Variants in IGSF9B observed in about 807,000 individuals in gnomAD.
The protein encoded by IGSF9B is immunoglobulin superfamily member 9B, also known as protein turtle homolog B.
A neutral mutation model predicts 143.7 loss-of-function variants in IGSF9B; 48 were observed. The ratio of observed to expected loss-of-function variants is 0.33; its 90% CI spans 0.26 to 0.42. The LOEUF is 0.42. Ranked by LOEUF, IGSF9B falls within the 20% of genes least tolerant of loss-of-function variation. The pLI is 1.00. For synonymous variants in IGSF9B, 903 were observed against 833.1 expected, an observed-to-expected ratio of 1.08 and a Z score of -1.44; for missense variants, 1,706 against 1,980.0, an observed-to-expected ratio of 0.86 and a Z score of 2.63.
At position 133,937,608 on chromosome 11, in the gene IGSF9B, G is replaced by T. The variant is rs947830239; in HGVS notation, c.562-115C>A. ...GGTGGAGATGACCACAGGGACAGATGCATCTGGGGGACACGAAGGGCAGGT... is the reference window on the plus strand; with the variant it reads ...GGTGGAGATGACCACAGGGACAGATTCATCTGGGGGACACGAAGGGCAGGT... On this transcript the variant is annotated intron_variant, in intron 4 of 19. Transcript: ENST00000533871. 4.1e-5 allele frequency: 41 copies of T among 997,390 alleles called. 1 individual carries two copies. Among genetic ancestry groups the T allele is most frequent in the Non-Finnish European group, 5.5e-5 (37 of 670,358 alleles). The allele number at this position is 997,390 out of a possible 1,614,324, so 61.8% of individuals were successfully genotyped here. A position where few individuals can be genotyped will look rare whatever the true frequency, so the allele number is the denominator to read the frequency against.
At chr11:133,956,623 G>C (rs1565455870) in intron 1 of IGSF9B, 68 bp downstream of exon 1, 2 of 1,095,466 alleles carry the variant, frequency 1.8e-6, no homozygotes, top group South Asian at 1.4e-5. Context: ...CCGGGAAACC[G>C]AGGGGCCGGG....
rs376403173 is a variant in IGSF9B at position 133,920,101 on chromosome 11, G to A, written c.3624C>T (p.Pro1208=). 172 of 1,520,396 alleles carry A rather than the reference G, an allele frequency of 1.1e-4. 1 individual carries two copies. The South Asian group carries it at 2.0e-3, about 18-fold the overall frequency. The allele number at this position is 1,520,396 out of a possible 1,614,324, so 94.2% of individuals were successfully genotyped here. ...PSRLSPLTQS[P]LSSRTGSPEL... ...CAGGGGAGCCGGTGCGGGAGCTGAG[G>A]GGGCTTTGGGTCAGAGGTGAGAGCC... The change falls in exon 18 of 20, where the codon CCC becomes CCT. Residue 1208 remains proline, a synonymous_variant. Coordinates refer to ENST00000533871, the MANE Select transcript of IGSF9B (RefSeq NM_001277285.4).
intron 18 of IGSF9B, among the ~76,000 whole-genome samples, chr11:133,918,836 G>A (rs1939446823): frequency 2.0e-5 from 3 of 150,860 alleles, no homozygotes; most frequent in Non-Finnish European, 4.4e-5. Context: ...GGCGGGGGAC[G>A]GGGTATCCGG....
At position 133,926,912 on chromosome 11, in the gene IGSF9B, T is replaced by C; in HGVS notation, c.1807+4A>G. On this transcript the variant is annotated splice_donor_region_variant and intron_variant, in intron 13 of 19. Transcript: ENST00000533871. ...GCTCCCAACATCCCACCCCGGGCCC[T>C]CACCTAAAGTGTTCACAGTGACCAC... 1.3e-6 allele frequency: 2 copies of C among 1,571,234 alleles called. No individual in the cohort carries two copies. The highest frequency in any genetic ancestry group is 1.7e-6 in the Non-Finnish European group (2 of 1,153,812).
At position 133,911,886 on chromosome 11, in the gene IGSF9B, C is replaced by T; in HGVS notation, c.4105G>A (p.Asp1369Asn). 6.6e-7 allele frequency: 1 copy of T among 1,526,368 alleles called. No homozygotes were observed. Among genetic ancestry groups the T allele is most frequent in the Non-Finnish European group, 8.7e-7 (1 of 1,143,474 alleles). The allele number at this position is 1,526,368 out of a possible 1,614,324, so 94.6% of individuals were successfully genotyped here. A position where few individuals can be genotyped will look rare whatever the true frequency, so the allele number is the denominator to read the frequency against. The change falls in exon 19 of 20, where the codon GAC becomes AAC. Residue 1369 changes from aspartate (D) to asparagine (N), a missense_variant and splice_region_variant. Asp to Asn is a conservative substitution (Grantham distance 23). This residue lies in a region of IGSF9B where 880 missense variants were observed against 762.9 expected (regional missense o/e 1.15). Transcript: ENST00000533871. Reference sequence around the variant, plus strand: ...GGGCGGGCCACTGCCCATCATTTACCGGATCGTTTCTTTGACTTCGAAGAG... The same window carrying T: ...GGGCGGGCCACTGCCCATCATTTACTGGATCGTTTCTTTGACTTCGAAGAG... Reference protein sequence around the residue: ...KGSSKSKKRSDDSASQTQQLP... With the variant: ...KGSSKSKKRSNDSASQTQQLP...
Position 133,911,940 on chromosome 11 carries a change from T to A in IGSF9B, c.4051A>T (p.Ile1351Leu). 2 of 1,535,156 alleles carry A rather than the reference T, an allele frequency of 1.3e-6. No homozygotes were observed. Among genetic ancestry groups the A allele is most frequent in the Non-Finnish European group, 1.7e-6 (2 of 1,146,582 alleles). Residue 1351 changes from isoleucine to leucine, a missense_variant, in exon 19 of 20, where the codon ATA becomes TTA. By Grantham distance (5) the Ile-to-Leu change is conservative (BLOSUM62 2). Transcript: ENST00000533871. ...ERLEALKYQR[I>L]KKPKKSSKGS... ...TTGGATGACTTTTTGGGCTTCTTTA[T>A]CCGTTGGTATTTCAGAGCCTCCAGC...
Position 133,897,486 on chromosome 11 carries a change from T to G in IGSF9B, c.*11583A>C, listed in dbSNP as rs1162087822. ...GGGTGTCCCATCCTCACCGTCATCT[T>G]TTACTTCCCAGGGTGCCCTTGGCCC... On this transcript the variant is annotated 3_prime_UTR_variant, in exon 20 of 20. Coordinates refer to ENST00000533871, the MANE Select transcript of IGSF9B (RefSeq NM_001277285.4). 2.0e-5 allele frequency: 3 copies of G among 152,222 alleles called. No homozygotes were observed. The highest frequency in any genetic ancestry group is 4.4e-5 in the Non-Finnish European group (3 of 68,072). The allele number at this position is 152,222 out of a possible 1,614,324, so 9.4% of individuals were successfully genotyped here. A position where few individuals can be genotyped will look rare whatever the true frequency, so the allele number is the denominator to read the frequency against.
At chr11:133,939,743 G>A (rs1377292126) in intron 3 of IGSF9B, among the ~76,000 whole-genome samples, 6 of 151,948 alleles carry the variant, frequency 3.9e-5, no homozygotes, top group Non-Finnish European at 7.4e-5. Flanking sequence ...CACCTCGCAC[G>A]TCCTTGCACG....
intron 18 of IGSF9B, among the ~76,000 whole-genome samples, chr11:133,915,399 G>A (rs900860116): frequency 2.0e-5 from 3 of 151,438 alleles, no homozygotes; most frequent in Admixed American, 2.0e-4. Context: ...CCCCCAAGGA[G>A]CTGGGACTAT....
chr11:133,949,695 G>A (rs930247301), intron 1 of IGSF9B, among the ~76,000 whole-genome samples: 2 of 152,000 alleles, frequency 1.3e-5, no homozygotes, highest in African/African-American at 2.4e-5. Flanking sequence ...GCCTGGGTGG[G>A]GGCAGATGGA....
At chr11:133,930,172 G>A (rs1939696777) in intron 11 of IGSF9B, among the ~76,000 whole-genome samples, 1 of 152,142 alleles carries the variant, frequency 6.6e-6, no homozygotes, top group African/African-American at 2.4e-5. Context: ...GGCCTCAGAA[G>A]ACAACTCCGT....
At chr11:133,955,596 G>A (rs865837724) in intron 1 of IGSF9B, among the ~76,000 whole-genome samples, 12 of 152,120 alleles carry the variant, frequency 7.9e-5, no homozygotes, top group Non-Finnish European at 1.5e-4. Context: ...CATCTCCTCC[G>A]GCTTGGTGAA....
rs370158213 is a variant in IGSF9B at position 133,913,789 on chromosome 11, T to C, written c.3984-1782A>G. ...AGGCAGCACACCTTCCCAGTGTGGA[T>C]AGCACATCCTCACCCCTTCTCATCC... is the stretch of plus-strand genomic sequence containing the variant. On this transcript the variant is annotated intron_variant, in intron 18 of 19. Transcript: ENST00000533871. The surrounding 1 kb of genome is among the most constrained non-coding windows in gnomAD (Gnocchi z 4.6). 4.3e-4 allele frequency among the ~76,000 whole-genome samples: 65 copies of C among 152,316 alleles called. No homozygotes were observed. The highest frequency in any genetic ancestry group is 1.4e-3 in the African/African-American group (59 of 41,566).
intron 18 of IGSF9B, chr11:133,919,125 G>T (rs781729309): frequency 5.8e-6 from 2 of 345,290 alleles, no homozygotes; most frequent in South Asian, 3.9e-5. Context: ...ATACGGGGGG[G>T]GGGTGGGGGA....
At position 133,919,989 on chromosome 11, in the gene IGSF9B, T is replaced by C; in HGVS notation, c.3736A>G (p.Ser1246Gly). Residue 1246 changes from serine to glycine, a missense_variant, in exon 18 of 20, where the codon AGC (serine) becomes GGC (glycine). By Grantham distance (56) the Ser-to-Gly change is moderately conservative (BLOSUM62 0). Around this residue, in one of 7 missense-constraint regions of IGSF9B, gnomAD observed 880 missense variants for 762.9 expected, o/e 1.15. Transcript: ENST00000533871. Reference protein sequence around the residue: ...EITLQPPAAVSFSRKSTPSTG... With the variant: ...EITLQPPAAVGFSRKSTPSTG... Reference sequence around the variant, plus strand: ...GACGGCGTAGACTTTCGAGAAAAGCTGACTGCAGCCGGCGGCTGCAGGGTG... The same window carrying C: ...GACGGCGTAGACTTTCGAGAAAAGCCGACTGCAGCCGGCGGCTGCAGGGTG... 7.0e-6 allele frequency: 11 copies of C among 1,578,994 alleles called. No homozygotes were observed. The highest frequency in any genetic ancestry group is 9.5e-6 in the Non-Finnish European group (11 of 1,162,500).
At chr11:133,951,353 C>T (rs1940155404) in intron 1 of IGSF9B, among the ~76,000 whole-genome samples, 1 of 152,226 alleles carries the variant, frequency 6.6e-6, no homozygotes, top group South Asian at 2.1e-4. Context: ...CCTCACAGCC[C>T]TCCCGGCCCC....
rs1207027286 is a variant in IGSF9B, at chr11:133,931,014, T to C, written c.1489A>G (p.Ile497Val). The C allele has an allele frequency of 1.9e-6, 3 of 1,613,214 alleles. No homozygotes were observed. Among genetic ancestry groups the C allele is most frequent in the African/African-American group, 2.7e-5 (2 of 74,918 alleles). ...ACGGTGAGGTGGGTGCTGGCAGTGA[T>C]GCTCGTGACCACGTTGGTGGCGACA... The part of the protein sequence containing the change: ...ECVATNVVTS[I>V]TASTHLTVIG... The change falls in exon 11 of 20, where the codon ATC becomes GTC. Residue 497 changes from isoleucine (I) to valine (V), a missense_variant. Transcript: ENST00000533871. The surrounding 1 kb of genome is among the most constrained non-coding windows in gnomAD (Gnocchi z 7.7).
intron 2 of IGSF9B, 124 bp from the exon 3 acceptor site, chr11:133,944,490 C>T: frequency 9.5e-7 from 1 of 1,052,598 alleles, no homozygotes; most frequent in South Asian, 1.5e-5. Flanking sequence ...TATGGCAGGG[C>T]TCCAGAATAA....
At chr11:133,938,508 A>C (rs1338331746) in intron 3 of IGSF9B, among the ~76,000 whole-genome samples, 2 of 152,136 alleles carry the variant, frequency 1.3e-5, no homozygotes, top group Non-Finnish European at 2.9e-5. Context: ...AGCCCACCCG[A>C]AGGCCACTCC....
Sources: allele counts gnomAD v4.1 joint callset (sites outside exome capture counted in the v4.1 genomes callset), GRCh38; gene constraint gnomAD v4.1.1; regional missense constraint gnomAD v4.1.1; non-coding constraint Gnocchi (gnomAD v3.1); transcripts MANE v1.5; gene names NCBI Gene and HGNC (gene_info 2026-07-23, HGNC 2026-07-21).